TBX5: variants seen among roughly 807,000 people sequenced by gnomAD.
TBX5 encodes T-box transcription factor 5, also known as T-box transcription factor TBX5.
In TBX5, 8 loss-of-function variants were observed where a neutral mutation model predicts 51.1. The observed-to-expected ratio is 0.16, with a 90% CI of 0.09 to 0.28. The LOEUF is 0.28. Ranked by LOEUF, TBX5 falls within the 10% of genes least tolerant of loss-of-function variation. The probability of loss-of-function intolerance (pLI) is 1.00; values close to 1 mark genes in which losing one functional copy is unlikely to be tolerated. For missense variants in TBX5, 589 were observed against 671.7 expected (o/e 0.88, Z 1.36); for synonymous variants, 302 against 266.4 (o/e 1.13, Z -1.30).
intron 8 of TBX5, among the ~76,000 whole-genome samples, chr12:114,359,882 A>C (rs1238241868): frequency 6.6e-6 from 1 of 152,210 alleles, no homozygotes; most frequent in East Asian, 1.9e-4. Flanking sequence ...TTGCACATAA[A>C]GCATTCAAAT....
In TBX5 at chr12:114,355,721, C is replaced by T; in HGVS notation, c.1368G>A (p.Gln456=). 6.2e-7 allele frequency: 1 copy of T among 1,614,180 alleles called. No individual in the cohort carries two copies. Among genetic ancestry groups the T allele is most frequent in the South Asian group, 1.1e-5 (1 of 91,086 alleles). Reference sequence around the variant, plus strand: ...GCTGGTGGGCCACGGAGGTCTGGTGCTGGAACATTCCCTCTCCCAGCTGTG... The same window carrying T: ...GCTGGTGGGCCACGGAGGTCTGGTGTTGGAACATTCCCTCTCCCAGCTGTG... The part of the protein sequence containing the change: ...GSPQLGEGMF[Q]HQTSVAHQPV... Residue 456 remains glutamine, a synonymous_variant, in exon 9 of 9, where the codon CAG becomes CAA. Coordinates refer to ENST00000405440, the MANE Select transcript of TBX5 (RefSeq NM_181486.4).
chr12:114,405,760 T>G lies in TBX5; in HGVS notation c.-171A>C. The G allele has an allele frequency of 6.1e-6, 6 of 985,526 alleles. No homozygotes were observed. The highest frequency in any genetic ancestry group is 7.2e-6 in the Non-Finnish European group (6 of 830,026). 61.0% of individuals were successfully genotyped at this position (985,526 alleles called of 1,614,324 possible). On this transcript the variant is annotated 5_prime_UTR_variant, in exon 1 of 9. Transcript: ENST00000405440. ...TTTACTGCTTACCCAGAATAGCGGC[T>G]ACTGCTGCCTACTAGGGCGCACCTA... is the stretch of plus-strand genomic sequence containing the variant.
At chr12:114,392,395 A>C (rs1181270365) in intron 6 of TBX5, among the ~76,000 whole-genome samples, 2 of 152,150 alleles carry the variant, frequency 1.3e-5, no homozygotes, top group South Asian at 2.1e-4. Flanking sequence ...CAAATATGGC[A>C]GTTTATTAGA....
At chr12:114,358,741 G>A (rs1005670493) in intron 8 of TBX5, among the ~76,000 whole-genome samples, 16 of 151,972 alleles carry the variant, frequency 1.1e-4, no homozygotes, top group African/African-American at 4.8e-5. Flanking sequence ...ATGAATGAAC[G>A]GCCACATTTT....
At chr12:114,371,293 G>T (rs879229673) in intron 7 of TBX5, among the ~76,000 whole-genome samples, 6 of 152,142 alleles carry the variant, frequency 3.9e-5, no homozygotes, top group Admixed American at 3.9e-4. Flanking sequence ...ACGAGCTGGG[G>T]GTCCTGAGTA....
chr12:114,385,495 T>G lies in TBX5; in HGVS notation c.736A>C (p.Arg246=), dbSNP rs374600913. The G allele has an allele frequency of 2.1e-5, 34 of 1,614,092 alleles. No individual in the cohort carries two copies. Among genetic ancestry groups the G allele is most frequent in the Non-Finnish European group, 2.5e-5 (30 of 1,180,016 alleles). ...TCCTACCTTTGCATTCTTGACATTC[T>G]GTGCAGCTCCATGTCATCACTGCCC... ...FRGSDDMELH[R]MSRMQSKEYP... Residue 246 remains arginine (R), a synonymous_variant, in exon 7 of 9, where the codon AGA becomes CGA. Transcript: ENST00000405440.
rs926241556 is a variant in TBX5 at position 114,354,686 on chromosome 12, G to A, written c.*846C>T. On this transcript the variant is annotated 3_prime_UTR_variant, in exon 9 of 9. Transcript: ENST00000405440. ...ATCACAGTCCTGCCTACATGTAAAC[G>A]GGGGCTTTTTAAGTTTTTCAAAGCA... is the stretch of plus-strand genomic sequence containing the variant. 2.6e-5 allele frequency: 4 copies of A among 152,566 alleles called. No homozygotes were observed. The highest frequency in any genetic ancestry group is 9.7e-5 in the African/African-American group (4 of 41,418). 9.5% of individuals were successfully genotyped at this position (152,566 alleles called of 1,614,324 possible). A position where few individuals can be genotyped will look rare whatever the true frequency, so the allele number is the denominator to read the frequency against.
At chr12:114,391,130 G>C (rs1895611) in intron 6 of TBX5, among the ~76,000 whole-genome samples, 1 of 151,926 alleles carries the variant, frequency 6.6e-6, no homozygotes, top group East Asian at 1.9e-4. Context: ...CCATAAAAAC[G>C]GTGGCCCTTA....
intron 2 of TBX5, 34 bp from the exon 3 acceptor site, chr12:114,401,954 C>G: frequency 1.9e-6 from 3 of 1,593,950 alleles, no homozygotes; most frequent in Non-Finnish European, 2.6e-6. Context: ...CACTAACAAG[C>G]CCTGGCAGTA....
intron 6 of TBX5, among the ~76,000 whole-genome samples, chr12:114,390,988 C>G (rs376218400): frequency 2.0e-5 from 3 of 152,122 alleles, no homozygotes; most frequent in Non-Finnish European, 4.4e-5. Flanking sequence ...AAATGTGTCT[C>G]GTCATTAGGG....
intron 3 of TBX5, among the ~76,000 whole-genome samples, chr12:114,400,877 A>T (rs1428221469): frequency 6.6e-6 from 1 of 152,060 alleles, no homozygotes; most frequent in Non-Finnish European, 1.5e-5. Context: ...TTATTGAGGG[A>T]GGCTTCGGCT....
chr12:114,361,978 G>C (rs1267124621), intron 8 of TBX5, among the ~76,000 whole-genome samples: 1 of 152,110 alleles, frequency 6.6e-6, no homozygotes, highest in East Asian at 1.9e-4. Flanking sequence ...ACAGGCCTCA[G>C]TATACATCTC....
At chr12:114,406,596 A>G (rs894613797), upstream of TBX5, among the ~76,000 whole-genome samples, 3 of 151,484 alleles carry the variant, frequency 2.0e-5, no homozygotes, top group Admixed American at 6.6e-5. Flanking sequence ...CCCCCTACTC[A>G]TCACCCCTAC....
intron 8 of TBX5, among the ~76,000 whole-genome samples, chr12:114,359,404 C>A (rs1869113556): frequency 6.6e-6 from 1 of 152,174 alleles, no homozygotes; most frequent in African/African-American, 2.4e-5. Flanking sequence ...AACTGTTCAA[C>A]AGCAAAGACC....
At chr12:114,398,301 T>G (rs1348898656) in intron 5 of TBX5, among the ~76,000 whole-genome samples, 1 of 149,392 alleles carries the variant, frequency 6.7e-6, no homozygotes, top group Admixed American at 6.6e-5. Flanking sequence ...GAGGATGAAA[T>G]AGTAGGAAGA....
chr12:114,387,047 A>G (rs1320876984), intron 6 of TBX5, among the ~76,000 whole-genome samples: 1 of 151,270 alleles, frequency 6.6e-6, no homozygotes, highest in African/African-American at 2.4e-5. Flanking sequence ...CAGAGATTGC[A>G]GTGAGCCGAG....
chr12:114,386,900 C>G (rs1417054428), intron 6 of TBX5, among the ~76,000 whole-genome samples: 1 of 151,714 alleles, frequency 6.6e-6, no homozygotes, highest in East Asian at 1.9e-4. Flanking sequence ...TCAAGACCAG[C>G]CTGGCCAACA....
intron 7 of TBX5, among the ~76,000 whole-genome samples, chr12:114,382,715 T>C (rs561594794): frequency 7.9e-4 from 120 of 152,252 alleles, no homozygotes; most frequent in Middle Eastern, 3.4e-3. Flanking sequence ...GAGACTCTCT[T>C]GAACCCGGGA....
At chr12:114,407,295 A>T (rs1872291931), upstream of TBX5, among the ~76,000 whole-genome samples, 1 of 152,146 alleles carries the variant, frequency 6.6e-6, no homozygotes, top group South Asian at 2.1e-4. Flanking sequence ...TGCCCAGGCG[A>T]TGTATTTATT....
Sources: allele counts gnomAD v4.1 joint callset (sites outside exome capture counted in the v4.1 genomes callset), GRCh38; gene constraint gnomAD v4.1.1; transcripts MANE v1.5; gene names NCBI Gene and HGNC (gene_info 2026-07-23, HGNC 2026-07-21).